Variants in APOL4 observed in about 807,000 individuals in gnomAD.
APOL4 encodes apolipoprotein L4.
In APOL4, 14 loss-of-function variants were observed where a neutral mutation model predicts 12.1. The observed-to-expected ratio is 1.16, with a 90% CI of 0.76 to 1.81. The LOEUF is 1.81. Among genes scored for constraint, APOL4 ranks in the 40% most tolerant of loss-of-function variants. The pLI is 0.00. For synonymous variants in APOL4, 171 were observed against 160.6 expected (o/e 1.06, Z -0.49); for missense variants, 432 against 423.1 (o/e 1.02, Z -0.18).
At chr22:36,194,677 G>A (rs2014353846) in intron 3 of APOL4, among the ~76,000 whole-genome samples, 1 of 152,060 alleles carries the variant, frequency 6.6e-6, no homozygotes, top group Non-Finnish European at 1.5e-5. Flanking sequence ...AGCTGTGCAG[G>A]GACAGAGCCA....
chr22:36,189,942 C>A lies in APOL4; in HGVS notation c.*1133G>T. The A allele has an allele frequency of 4.8e-6, 1 of 207,370 alleles. No homozygotes were observed. Among genetic ancestry groups the A allele is most frequent in the Admixed American group, 4.4e-5 (1 of 22,638 alleles). 12.8% of individuals were successfully genotyped at this position (207,370 alleles called of 1,614,324 possible). A position where few individuals can be genotyped will look rare whatever the true frequency, so the allele number is the denominator to read the frequency against. On this transcript the variant is annotated 3_prime_UTR_variant, in exon 4 of 4. Transcript: ENST00000683024. ...AAAAATGTCTGCGTTTTGTCCCGGCCTGTGTCTGGCTCACCTTCCCTGGTG... is the reference window on the plus strand; with the variant it reads ...AAAAATGTCTGCGTTTTGTCCCGGCATGTGTCTGGCTCACCTTCCCTGGTG...
intron 2 of APOL4, among the ~76,000 whole-genome samples, chr22:36,196,107 C>T (rs576551770): frequency 4.6e-5 from 7 of 152,310 alleles, no homozygotes; most frequent in Admixed American, 2.6e-4. Flanking sequence ...TCCCCATGTA[C>T]GGGAAATATT....
Position 36,191,224 on chromosome 22 carries a change from G to A in APOL4, c.898C>T (p.Leu300=). 6.2e-7 allele frequency: 1 copy of A among 1,614,008 alleles called. No individual in the cohort carries two copies. Among genetic ancestry groups the A allele is most frequent in the Non-Finnish European group, 8.5e-7 (1 of 1,179,890 alleles). The change falls in exon 4 of 4, where the codon CTG becomes TTG. Residue 300 remains leucine (L), a synonymous_variant. Transcript: ENST00000683024. Reference sequence around the variant, plus strand: ...TCTTGCACAAGGTTGACTACATCCAGCACAACAAGGACACCTGAAGTGGCC... The same window carrying A: ...TCTTGCACAAGGTTGACTACATCCAACACAACAAGGACACCTGAAGTGGCC... ...GKATSGVLVV[L]DVVNLVQDSL... is the part of the protein sequence containing the mutation.
Position 36,190,593 on chromosome 22 carries a change from G to A in APOL4, c.*482C>T, listed in dbSNP as rs535994003. 6 of 159,204 alleles carry A rather than the reference G, an allele frequency of 3.8e-5. No individual in the cohort carries two copies. Among genetic ancestry groups the A allele is most frequent in the South Asian group, 1.8e-4 (1 of 5,524 alleles). 9.9% of individuals were successfully genotyped at this position (159,204 alleles called of 1,614,324 possible). ...TCCTTGCTGAGAAAAAGAATTCAGCGATATTTCTCCCATTTGCTTTTGAAA... is the reference window on the plus strand; with the variant it reads ...TCCTTGCTGAGAAAAAGAATTCAGCAATATTTCTCCCATTTGCTTTTGAAA... On this transcript the variant is annotated 3_prime_UTR_variant, in exon 4 of 4. Coordinates refer to ENST00000683024, the MANE Select transcript of APOL4 (RefSeq NM_001386885.1).
chr22:36,195,776 T>A (rs57377578), intron 2 of APOL4, among the ~76,000 whole-genome samples: 27,041 of 92,772 alleles, frequency 0.29, 3,438 homozygotes, highest in African/African-American at 0.4. Flanking sequence ...TCTCTCTCTC[T>A]CACACACACA....
chr22:36,191,486 C>T lies in APOL4; in HGVS notation c.636G>A (p.Leu212=), dbSNP rs1462649194. 2 of 1,613,918 alleles carry T rather than the reference C, an allele frequency of 1.2e-6. No homozygotes were observed. Among genetic ancestry groups the T allele is most frequent in the Non-Finnish European group, 1.7e-6 (2 of 1,179,890 alleles). ...SRLTATSTDQ[L]EALRDILRDI... is the part of the protein sequence containing the mutation. ...CACGCAGAATGTCCCTTAATGCCTC[C>T]AATTGGTCAGTGCTGGTTGCAGTCA... Residue 212 remains leucine, a synonymous_variant, in exon 4 of 4, where the codon TTG becomes TTA. Coordinates refer to ENST00000683024, the MANE Select transcript of APOL4 (RefSeq NM_001386885.1).
chr22:36,201,850 G>C (rs186888144), upstream of APOL4: 6 of 1,574,872 alleles, frequency 3.8e-6, no homozygotes, highest in East Asian at 1.4e-4. Context: ...CTCTAGGCGA[G>C]TCTACCAGTT....
intron 2 of APOL4, among the ~76,000 whole-genome samples, chr22:36,198,317 G>GT (rs1172880199): frequency 1.3e-5 from 2 of 152,322 alleles, no homozygotes; most frequent in Admixed American, 1.3e-4. Context: ...AAAACAGGCA[G>GT]TTTTATCACT....
chr22:36,191,617 T>C lies in APOL4; in HGVS notation c.505A>G (p.Thr169Ala). 2 of 1,613,756 alleles carry C rather than the reference T, an allele frequency of 1.2e-6. No individual in the cohort carries two copies. The change falls in exon 4 of 4, where the codon ACT becomes GCT. Residue 169 changes from threonine to alanine, a missense_variant. Transcript: ENST00000683024. ...PFTAGLSLSI[T>A]AAGVGLGIAS... is the part of the protein sequence containing the mutation. ...ATTCCCAGCCCTACCCCAGCTGCAG[T>C]AATGCTCAGGCTCAGCCCTGCTGTA...
At chr22:36,198,965 C>A (rs1332846286) in intron 2 of APOL4, among the ~76,000 whole-genome samples, 1 of 152,212 alleles carries the variant, frequency 6.6e-6, no homozygotes. Flanking sequence ...GCTGGTCAAC[C>A]TCCTCTCCCA....
chr22:36,203,107 A>G (rs1294352197), upstream of APOL4, among the ~76,000 whole-genome samples: 1 of 152,232 alleles, frequency 6.6e-6, no homozygotes, highest in Non-Finnish European at 1.5e-5. Context: ...CCATTCTGCA[A>G]TGCGACCTTC....
intron 1 of APOL4, chr22:36,199,609 C>T (rs2014510575): frequency 6.4e-7 from 1 of 1,553,580 alleles, no homozygotes; most frequent in African/African-American, 1.4e-5. Context: ...TCCGCTTGTC[C>T]TGTTGGAGAA....
At position 36,189,480 on chromosome 22, in the gene APOL4, G is replaced by A. The variant is rs1002097812; in HGVS notation, c.*1595C>T. 3 of 152,254 alleles carry A rather than the reference G, an allele frequency of 2.0e-5. No homozygotes were observed. Among genetic ancestry groups the A allele is most frequent in the Admixed American group, 1.3e-4 (2 of 15,266 alleles). 9.4% of individuals were successfully genotyped at this position (152,254 alleles called of 1,614,324 possible). On this transcript the variant is annotated 3_prime_UTR_variant, in exon 4 of 4. Transcript: ENST00000683024. ...ACTGGCTGACTCAGATACACCCCCGGGAGGACAAGGGAGAGTGGATGCTGG... is the reference window on the plus strand; with the variant it reads ...ACTGGCTGACTCAGATACACCCCCGAGAGGACAAGGGAGAGTGGATGCTGG...
chr22:36,191,115 T>C lies in APOL4; in HGVS notation c.1007A>G (p.Asn336Ser), dbSNP rs368225594. ...ACTCTGATGGATATGGGTGAGCTCA[T>C]TGAGATTCTCCTCCAGCTCCTGAGC... ...QWAQELEENL[N>S]ELTHIHQSLK... The change falls in exon 4 of 4, where the codon AAT becomes AGT. Residue 336 changes from asparagine (N) to serine (S), a missense_variant. Coordinates refer to ENST00000683024, the MANE Select transcript of APOL4 (RefSeq NM_001386885.1). The C allele has an allele frequency of 5.0e-6, 8 of 1,609,880 alleles. No homozygotes were observed. The highest frequency in any genetic ancestry group is 2.7e-5 in the African/African-American group (2 of 74,990).
At chr22:36,193,870 T>G (rs2014330506) in intron 3 of APOL4, among the ~76,000 whole-genome samples, 1 of 152,188 alleles carries the variant, frequency 6.6e-6, no homozygotes, top group Non-Finnish European at 1.5e-5. Context: ...CAAGCCACCT[T>G]ACTGCCTCCT....
chr22:36,198,884 A>C (rs1569531422), intron 2 of APOL4, among the ~76,000 whole-genome samples: 1 of 152,116 alleles, frequency 6.6e-6, no homozygotes, highest in Non-Finnish European at 1.5e-5. Flanking sequence ...AGCTGGAGGG[A>C]GGGGACCGGC....
At chr22:36,201,573 C>A in intron 1 of APOL4, 127 bp downstream of exon 1, 2 of 1,189,870 alleles carry the variant, frequency 1.7e-6, no homozygotes, top group African/African-American at 1.9e-5. Flanking sequence ...TCGCCTTCTT[C>A]CTGCTTTGTT....
At position 36,191,815 on chromosome 22, in the gene APOL4, C is replaced by T; in HGVS notation, c.307G>A (p.Glu103Lys). Residue 103 changes from glutamate to lysine, a missense_variant, in exon 4 of 4, where the codon GAG becomes AAG. Physicochemically the swap from Glu to Lys is moderately conservative, Grantham distance 56 (BLOSUM62 1). Coordinates refer to ENST00000683024, the MANE Select transcript of APOL4 (RefSeq NM_001386885.1). ...DMQQKEQQFR[E>K]WFLKEFPQIR... ...TGAGGAAACTCTTTCAAAAACCACTCCCTAAACTGCTGTTCTTTTTGCTGC... is the reference window on the plus strand; with the variant it reads ...TGAGGAAACTCTTTCAAAAACCACTTCCTAAACTGCTGTTCTTTTTGCTGC... The T allele has an allele frequency of 3.7e-6, 6 of 1,613,958 alleles. No homozygotes were observed. The highest frequency in any genetic ancestry group is 5.1e-6 in the Non-Finnish European group (6 of 1,179,910).
intron 1 of APOL4, among the ~76,000 whole-genome samples, chr22:36,201,308 C>T (rs568723996): frequency 4.0e-3 from 596 of 148,722 alleles, no homozygotes; most frequent in African/African-American, 0.013. Context: ...CAGTGGTTCC[C>T]GGGCCCCCTG....
Sources: gnomAD v4.1 joint callset for allele counts (sites outside exome capture counted in the v4.1 genomes callset) on GRCh38, gnomAD v4.1.1 for gene constraint, MANE v1.5 for transcripts, NCBI Gene and HGNC (gene_info 2026-07-23, HGNC 2026-07-21) for gene names.